ITFG1: variants seen among roughly 807,000 people sequenced by gnomAD.
ITFG1 encodes integrin alpha FG-GAP repeat containing 1.
Under a neutral mutation model 81.8 loss-of-function variants are expected in ITFG1, and 34 were observed. The observed-to-expected ratio is 0.42, with a 90% CI of 0.32 to 0.55. The LOEUF (loss-of-function observed/expected upper bound fraction) is 0.55, where lower values mean the gene tolerates loss of function less well. ITFG1 is among the 20% of genes least tolerant of loss of function. The probability of loss-of-function intolerance (pLI) is 0.17; values close to 1 mark genes in which losing one functional copy is unlikely to be tolerated. For synonymous variants in ITFG1, 285 were observed against 270.6 expected, an observed-to-expected ratio of 1.05 and a Z score of -0.52; for missense variants, 672 against 755.4, an observed-to-expected ratio of 0.89 and a Z score of 1.29.
intron 6 of ITFG1, among the ~76,000 whole-genome samples, chr16:47,409,379 T>TATATATATAC (rs1205637016): frequency 1.5e-4 from 2 of 12,990 alleles, no homozygotes; most frequent in Non-Finnish European, 3.1e-4. Flanking sequence ...ACACACTATA[T>TATATATATAC]ATATATATAT....
chr16:47,224,567 A>G (rs1472137021), intron 13 of ITFG1, among the ~76,000 whole-genome samples: 2 of 152,212 alleles, frequency 1.3e-5, no homozygotes, highest in South Asian at 2.1e-4. Context: ...ACAAACAGCA[A>G]TAAGAGCAAA....
chr16:47,442,556 T>G (rs1028879761), intron 5 of ITFG1, among the ~76,000 whole-genome samples: 1 of 152,114 alleles, frequency 6.6e-6, no homozygotes, highest in Non-Finnish European at 1.5e-5. Context: ...AACAGAAATA[T>G]AGACCAATGG....
At chr16:47,216,148 G>A (rs116080044) in intron 14 of ITFG1, among the ~76,000 whole-genome samples, 1 of 152,040 alleles carries the variant, frequency 6.6e-6, no homozygotes, top group African/African-American at 2.4e-5. Flanking sequence ...AGTTGCCAAT[G>A]TCTAGTTTGC....
chr16:47,369,352 C>A (rs1027471559), intron 7 of ITFG1, among the ~76,000 whole-genome samples: 2 of 152,154 alleles, frequency 1.3e-5, no homozygotes, highest in Non-Finnish European at 2.9e-5. Context: ...AGCCATTCAT[C>A]GTTCTAGGCT....
chr16:47,239,546 A>G (rs1567432483), intron 12 of ITFG1, among the ~76,000 whole-genome samples: 1 of 152,146 alleles, frequency 6.6e-6, no homozygotes, highest in East Asian at 1.9e-4. Flanking sequence ...TAAGATACAG[A>G]GTATGTAAGG....
intron 14 of ITFG1, among the ~76,000 whole-genome samples, chr16:47,185,702 A>C (rs1056300125): frequency 3.9e-5 from 6 of 152,230 alleles, no homozygotes; most frequent in Non-Finnish European, 8.8e-5. Context: ...TAAAAGAACT[A>C]GAAAAGCAAG....
intron 5 of ITFG1, among the ~76,000 whole-genome samples, chr16:47,439,000 A>G (rs1298549293): frequency 2.0e-5 from 3 of 152,220 alleles, no homozygotes; most frequent in Non-Finnish European, 4.4e-5. Context: ...AGGACCTGAC[A>G]GAGCTGAAAA....
intron 6 of ITFG1, among the ~76,000 whole-genome samples, chr16:47,419,292 AG>A (rs1968911588): frequency 1.3e-5 from 2 of 151,862 alleles, no homozygotes; most frequent in East Asian, 3.9e-4. Flanking sequence ...TTTTTGAGAC[AG>A]GGTCTCACTC....
chr16:47,270,702 C>A (rs551629881), intron 10 of ITFG1, among the ~76,000 whole-genome samples: 2 of 152,206 alleles, frequency 1.3e-5, no homozygotes, highest in South Asian at 4.1e-4. Context: ...TGCATCCATA[C>A]AATGGAATAT....
At chr16:47,303,451 C>T (rs1381903477) in intron 10 of ITFG1, among the ~76,000 whole-genome samples, 2 of 151,876 alleles carry the variant, frequency 1.3e-5, no homozygotes, top group African/African-American at 4.8e-5. Context: ...ACATACACAA[C>T]ATTGAAAACA....
chr16:47,302,230 T>C (rs2151560107), intron 10 of ITFG1, among the ~76,000 whole-genome samples: 1 of 152,304 alleles, frequency 6.6e-6, no homozygotes, highest in Middle Eastern at 3.4e-3. Context: ...GGGTTACCAG[T>C]CACTTTTAAT....
At chr16:47,431,388 G>A (rs1391775644) in intron 5 of ITFG1, among the ~76,000 whole-genome samples, 1 of 152,188 alleles carries the variant, frequency 6.6e-6, no homozygotes, top group East Asian at 1.9e-4. Context: ...ACATTCAAGG[G>A]ATCTAGGTTG....
chr16:47,180,413 C>T (rs545139915), intron 14 of ITFG1, among the ~76,000 whole-genome samples: 3 of 151,912 alleles, frequency 2.0e-5, no homozygotes, highest in East Asian at 2.0e-4. Flanking sequence ...TCTCTTTCCA[C>T]GGTCTCCCTC....
At chr16:47,266,435 C>CA in intron 10 of ITFG1, among the ~76,000 whole-genome samples, 1 of 152,210 alleles carries the variant, frequency 6.6e-6, no homozygotes, top group Non-Finnish European at 1.5e-5. Context: ...CCCGGCTGGT[C>CA]TTGAACTCCT....
At chr16:47,391,746 T>C (rs1179397565) in intron 6 of ITFG1, among the ~76,000 whole-genome samples, 2 of 152,236 alleles carry the variant, frequency 1.3e-5, no homozygotes, top group Non-Finnish European at 2.9e-5. Context: ...GTTAGATTAC[T>C]GAAGGATTTG....
At chr16:47,310,236 A>T (rs1423893849) in intron 10 of ITFG1, among the ~76,000 whole-genome samples, 1 of 152,172 alleles carries the variant, frequency 6.6e-6, no homozygotes, top group Non-Finnish European at 1.5e-5. Flanking sequence ...TATTTCTCTA[A>T]ATATCAGATT....
At chr16:47,165,503 A>G (rs1964877804) in intron 14 of ITFG1, among the ~76,000 whole-genome samples, 1 of 152,244 alleles carries the variant, frequency 6.6e-6, no homozygotes, top group South Asian at 2.1e-4. Context: ...TCACATAGTA[A>G]ATAATAATGT....
At chr16:47,241,911 G>A (rs977982761) in intron 12 of ITFG1, among the ~76,000 whole-genome samples, 16 of 149,828 alleles carry the variant, frequency 1.1e-4, no homozygotes, top group Admixed American at 1.0e-3. Context: ...CTGAGATCGC[G>A]CCACTGCTCT....
chr16:47,304,415 C>G (rs1461036048), intron 10 of ITFG1, among the ~76,000 whole-genome samples: 1 of 152,204 alleles, frequency 6.6e-6, no homozygotes, highest in African/African-American at 2.4e-5. Flanking sequence ...GCAGCACTGG[C>G]ATTTCAACTG....
Sources: allele counts gnomAD v4.1 joint callset (sites outside exome capture counted in the v4.1 genomes callset), GRCh38; gene constraint gnomAD v4.1.1; transcripts MANE v1.5; gene names NCBI Gene and HGNC (gene_info 2026-07-23, HGNC 2026-07-21).